Variants in IQGAP2 observed in about 807,000 individuals in gnomAD.
IQGAP2 encodes ras GTPase-activating-like protein IQGAP2.
Under a neutral mutation model 201.3 loss-of-function variants are expected in IQGAP2, and 173 were observed. That is an observed-to-expected ratio of 0.86 (90% CI 0.76 to 0.98). IQGAP2 has a LOEUF of 0.98. Among genes scored for constraint, IQGAP2 ranks in the 50% least tolerant of loss-of-function variants. IQGAP2 has a pLI of 0.00. For synonymous variants in IQGAP2, 675 were observed against 673.9 expected (o/e 1.00, Z -0.03); for missense variants, 1,687 against 1,864.8 (o/e 0.90, Z 1.76).
intron 20 of IQGAP2, among the ~76,000 whole-genome samples, chr5:76,657,011 G>T (rs74974474): frequency 6.6e-6 from 1 of 152,146 alleles, no homozygotes; most frequent in Non-Finnish European, 1.5e-5. Context: ...GTGGTCAGTT[G>T]TAGGAGCAGA....
chr5:76,689,230 T>TTAAAAAAAAAAAAAAAAA, intron 30 of IQGAP2, among the ~76,000 whole-genome samples: 1 of 86,492 alleles, frequency 1.2e-5, no homozygotes, highest in Non-Finnish European at 2.1e-5. Context: ...CAGGGATATT[T>TTAAAAAAAAAAAAAAAAA]AAAAAAAAAA....
At chr5:76,603,826 A>G (rs1747602002) in intron 11 of IQGAP2, among the ~76,000 whole-genome samples, 1 of 152,178 alleles carries the variant, frequency 6.6e-6, no homozygotes, top group South Asian at 2.1e-4. Context: ...CTGTCCATAG[A>G]TGAGGTGAAG....
intron 13 of IQGAP2, among the ~76,000 whole-genome samples, chr5:76,612,981 A>G (rs532209214): frequency 3.7e-4 from 57 of 152,328 alleles, no homozygotes; most frequent in African/African-American, 1.3e-3. Flanking sequence ...TGCCTCATTG[A>G]AGGTGGAGAA....
chr5:76,673,370 TGA>T, intron 24 of IQGAP2, 77 bp from the exon 25 acceptor site: 1 of 1,480,206 alleles, frequency 6.8e-7, no homozygotes, highest in Non-Finnish European at 9.2e-7. Flanking sequence ...ATACAAAGCT[TGA>T]CTATAGAACC....
intron 1 of IQGAP2, among the ~76,000 whole-genome samples, chr5:76,433,859 A>G (rs1752511970): frequency 6.6e-6 from 1 of 152,170 alleles, no homozygotes; most frequent in Non-Finnish European, 1.5e-5. Context: ...AGGAATTCTC[A>G]TAGTCATCTT....
intron 2 of IQGAP2, among the ~76,000 whole-genome samples, chr5:76,512,861 C>T (rs1488070502): frequency 6.6e-6 from 1 of 152,108 alleles, no homozygotes; most frequent in Admixed American, 6.5e-5. Flanking sequence ...TCGAGACCAG[C>T]CTGGCCAACA....
intron 17 of IQGAP2, 67 bp from the exon 18 acceptor site, chr5:76,652,683 C>A: frequency 1.8e-6 from 2 of 1,124,970 alleles, no homozygotes; most frequent in South Asian, 1.2e-5. Flanking sequence ...GTGCTCTGCT[C>A]TTGCACTTCC....
intron 1 of IQGAP2, among the ~76,000 whole-genome samples, chr5:76,446,193 G>T (rs1410137143): frequency 6.6e-6 from 1 of 152,142 alleles, no homozygotes; most frequent in Admixed American, 6.5e-5. Flanking sequence ...CTTATTTTGG[G>T]TGTATACCCA....
chr5:76,419,058 A>G (rs1751572619), intron 1 of IQGAP2, among the ~76,000 whole-genome samples: 1 of 152,134 alleles, frequency 6.6e-6, no homozygotes, highest in Non-Finnish European at 1.5e-5. Flanking sequence ...TACCAAGAAA[A>G]TGTGTGTTCC....
In IQGAP2 at chr5:76,427,255, CA is replaced by C. The variant is rs1169634147; in HGVS notation, c.46+23668del. ...AGAATCACTGTTATAAATAAAGAAA[CA>C]AAATTGTTTTCTGGACATTTCTTTT... is the stretch of plus-strand genomic sequence containing the variant. On this transcript the variant is annotated intron_variant, in intron 1 of 35. Transcript: ENST00000274364. 3.3e-5 allele frequency among the ~76,000 whole-genome samples: 5 copies of C among 152,120 alleles called. No individual in the cohort carries two copies. In the South Asian group the frequency reaches 6.2e-4, roughly 19 times the overall value.
intron 13 of IQGAP2, chr5:76,623,262 T>C: frequency 6.2e-7 from 1 of 1,612,294 alleles, no homozygotes; most frequent in South Asian, 1.1e-5. Context: ...TCTTAAACGT[T>C]ATGAAATCTG....
chr5:76,673,908 G>A lies in IQGAP2; in HGVS notation c.3210-44G>A, dbSNP rs774877411. The A allele has an allele frequency of 2.3e-5, 27 of 1,156,888 alleles. 1 individual carries two copies. Among genetic ancestry groups the A allele is most frequent in the East Asian group, 2.1e-4 (9 of 42,640 alleles). 71.7% of individuals were successfully genotyped at this position (1,156,888 alleles called of 1,614,324 possible). A position where few individuals can be genotyped will look rare whatever the true frequency, so the allele number is the denominator to read the frequency against. On this transcript the variant is annotated intron_variant, in intron 25 of 35. Transcript: ENST00000274364. ...TTGCTGTGTGTTTTTTCCTCACTCC[G>A]CCTTTTTTCCATTATTTTCTTTTGT...
In IQGAP2 at chr5:76,606,386, A is replaced by G. The variant is rs1580579906; in HGVS notation, c.1357+83A>G. 9.3e-6 allele frequency: 12 copies of G among 1,291,728 alleles called. No individual in the cohort carries two copies. The East Asian group carries it at 3.0e-4, about 32-fold the overall frequency. The allele number at this position is 1,291,728 out of a possible 1,614,324, so 80.0% of individuals were successfully genotyped here. On this transcript the variant is annotated intron_variant, in intron 12 of 35. Transcript: ENST00000274364. ...CTTAGTTTTCTAGATTAGGGCTTTA[A>G]GTTTTTGCTCAAGGAACTTTGTGAG...
chr5:76,707,910 C>T lies in IQGAP2; in HGVS notation c.*597C>T, dbSNP rs1338362850. ...TTTATTCCTACTAAATGAAAGTGCA[C>T]TACTGCCTCATGTAAAGACTCTTGC... is the stretch of plus-strand genomic sequence containing the variant. On this transcript the variant is annotated 3_prime_UTR_variant, in exon 36 of 36. Coordinates refer to ENST00000274364, the MANE Select transcript of IQGAP2 (RefSeq NM_006633.5). The T allele has an allele frequency of 6.5e-6, 1 of 152,678 alleles. No individual in the cohort carries two copies. The highest frequency in any genetic ancestry group is 1.5e-5 in the Non-Finnish European group (1 of 68,094). The allele number at this position is 152,678 out of a possible 1,614,324, so 9.5% of individuals were successfully genotyped here.
chr5:76,450,319 C>T (rs1353893980), intron 1 of IQGAP2, among the ~76,000 whole-genome samples: 1 of 152,200 alleles, frequency 6.6e-6, no homozygotes. Context: ...CCTCCTACTG[C>T]TTCCTGTGCT....
chr5:76,436,513 ATATATTTTTTTTTTTTT>A (rs1752698637), intron 1 of IQGAP2, among the ~76,000 whole-genome samples: 1 of 22,598 alleles, frequency 4.4e-5, no homozygotes, highest in South Asian at 2.7e-3. Flanking sequence ...ATATATATAT[ATATATTTTTTTTTTTTT>A]TTTTTTTTTT....
At chr5:76,673,308 C>T (rs1331068082) in intron 24 of IQGAP2, 141 bp from the exon 25 acceptor site, 9 of 769,762 alleles carry the variant, frequency 1.2e-5, no homozygotes, top group African/African-American at 1.8e-5. Context: ...GGAGCCTCCC[C>T]TCATTTAGTA....
At chr5:76,471,364 C>CAAAAAAA (rs59781605) in intron 2 of IQGAP2, among the ~76,000 whole-genome samples, 1 of 72,530 alleles carries the variant, frequency 1.4e-5, no homozygotes. Flanking sequence ...ATAAACTAAG[C>CAAAAAAA]AAAAAAAAAA....
intron 34 of IQGAP2, among the ~76,000 whole-genome samples, chr5:76,702,106 G>A (rs544389627): frequency 6.6e-6 from 1 of 152,194 alleles, no homozygotes; most frequent in Non-Finnish European, 1.5e-5. Context: ...ACTGCGCCTG[G>A]CCTGAAGTTT....
Sources: gnomAD v4.1 joint callset for allele counts (sites outside exome capture counted in the v4.1 genomes callset) on GRCh38, gnomAD v4.1.1 for gene constraint, MANE v1.5 for transcripts, NCBI Gene and HGNC (gene_info 2026-07-23, HGNC 2026-07-21) for gene names.